CPNE8: variants seen among roughly 807,000 people sequenced by gnomAD.
CPNE8 encodes the protein copine 8.
CPNE8 carries 45 observed loss-of-function variants against 81.5 expected under a neutral mutation model. That is an observed-to-expected ratio of 0.55 (90% CI 0.44 to 0.71). The LOEUF (loss-of-function observed/expected upper bound fraction) is 0.71, where lower values mean the gene tolerates loss of function less well. CPNE8 is among the 30% of genes least tolerant of loss of function. CPNE8 has a pLI of 0.00. For synonymous variants in CPNE8, 252 were observed against 226.3 expected, an observed-to-expected ratio of 1.11 and a Z score of -1.02; for missense variants, 594 against 672.1, an observed-to-expected ratio of 0.88 and a Z score of 1.28.
At chr12:38,905,719 G>T (rs763430618), upstream of CPNE8, 20 of 1,434,774 alleles carry the variant, frequency 1.4e-5, no homozygotes, top group Non-Finnish European at 1.7e-5. Context: ...CGAGGGAACC[G>T]CTAGCCAGTC....
chr12:38,656,233 C>A (rs1938815107), intron 19 of CPNE8, among the ~76,000 whole-genome samples: 1 of 150,962 alleles, frequency 6.6e-6, no homozygotes, highest in South Asian at 2.1e-4. Context: ...CTATAATTTA[C>A]TTAATTCTTA....
chr12:38,690,691 G>GA (rs953134263), intron 15 of CPNE8, among the ~76,000 whole-genome samples: 1 of 151,730 alleles, frequency 6.6e-6, no homozygotes, highest in South Asian at 2.1e-4. Context: ...TGGAGGGGAG[G>GA]AAAAAGGAAA....
rs760034896 is a variant in CPNE8 at position 38,829,395 on chromosome 12, G to A, written c.391C>T (p.Leu131=). ...AATACTTACACTATTGGTTTTTCCA[G>A]GCGACTTCCCTGTGAACCAACGATC... ...GEIVGSQGSR[L]EKPIVGIPGK... is the part of the protein sequence containing the mutation. The change falls in exon 6 of 20, where the codon CTG becomes TTG. Residue 131 remains leucine (L), a synonymous_variant. Transcript: ENST00000331366. 1.2e-6 allele frequency: 2 copies of A among 1,611,586 alleles called. No individual in the cohort carries two copies. The highest frequency in any genetic ancestry group is 1.7e-6 in the Non-Finnish European group (2 of 1,177,838).
At chr12:38,810,995 G>A (rs1012722761) in intron 6 of CPNE8, among the ~76,000 whole-genome samples, 6 of 151,976 alleles carry the variant, frequency 3.9e-5, no homozygotes, top group Non-Finnish European at 7.4e-5. Flanking sequence ...GCTCATGTAA[G>A]TACATTAAGC....
At chr12:38,808,656 T>C (rs1942872552) in intron 6 of CPNE8, among the ~76,000 whole-genome samples, 1 of 149,678 alleles carries the variant, frequency 6.7e-6, no homozygotes, top group Non-Finnish European at 1.5e-5. Context: ...TAATGCTAAA[T>C]GACAAGTTAA....
chr12:38,795,931 G>A (rs894246508), intron 6 of CPNE8, among the ~76,000 whole-genome samples: 2 of 142,954 alleles, frequency 1.4e-5, no homozygotes, highest in Non-Finnish European at 3.1e-5. Flanking sequence ...ACCAGTTGAG[G>A]TTATTCTGAG....
intron 8 of CPNE8, among the ~76,000 whole-genome samples, chr12:38,763,352 AAAG>A (rs1941612262): frequency 6.6e-6 from 1 of 152,252 alleles, no homozygotes; most frequent in African/African-American, 2.4e-5. Context: ...GACAATGAGC[AAAG>A]AAGGAGGATG....
chr12:38,695,964 C>T (rs1160322589), intron 14 of CPNE8, among the ~76,000 whole-genome samples: 1 of 152,072 alleles, frequency 6.6e-6, no homozygotes, highest in Non-Finnish European at 1.5e-5. Context: ...AACAAACAAA[C>T]AAACGAATAC....
At chr12:38,706,619 A>G (rs1940113611) in intron 13 of CPNE8, among the ~76,000 whole-genome samples, 1 of 152,218 alleles carries the variant, frequency 6.6e-6, no homozygotes, top group Admixed American at 6.5e-5. Flanking sequence ...AATAAAAAAT[A>G]ACTTTGAGCT....
At chr12:38,686,590 A>G (rs1939540141) in intron 15 of CPNE8, among the ~76,000 whole-genome samples, 1 of 152,172 alleles carries the variant, frequency 6.6e-6, no homozygotes, top group Non-Finnish European at 1.5e-5. Flanking sequence ...TTATTATCTC[A>G]CACATTTTTG....
At chr12:38,814,769 AC>A (rs1942996052) in intron 6 of CPNE8, among the ~76,000 whole-genome samples, 1 of 152,074 alleles carries the variant, frequency 6.6e-6, no homozygotes, top group Non-Finnish European at 1.5e-5. Context: ...CATATTCTAT[AC>A]TAGATTGTAA....
At chr12:38,889,024 C>T (rs556516917) in intron 1 of CPNE8, among the ~76,000 whole-genome samples, 1 of 152,282 alleles carries the variant, frequency 6.6e-6, no homozygotes, top group South Asian at 2.1e-4. Flanking sequence ...AAGTGGGATG[C>T]AAAGCTGAAT....
chr12:38,789,907 C>T (rs760433296), intron 6 of CPNE8, among the ~76,000 whole-genome samples: 1 of 151,552 alleles, frequency 6.6e-6, no homozygotes, highest in African/African-American at 2.4e-5. Flanking sequence ...ATAGCATCAC[C>T]CCAGTTCAAA....
chr12:38,711,554 C>T lies in CPNE8; in HGVS notation c.915-8633G>A, dbSNP rs530493941. ...CGCAATCTCGGCTCACTGCAACCTCCGCCTCCTGGGATCAAGCGATTCTCC... is the reference window on the plus strand; with the variant it reads ...CGCAATCTCGGCTCACTGCAACCTCTGCCTCCTGGGATCAAGCGATTCTCC... On this transcript the variant is annotated intron_variant, in intron 13 of 19. Coordinates refer to ENST00000331366, the MANE Select transcript of CPNE8 (RefSeq NM_153634.3). 1.0e-3 allele frequency among the ~76,000 whole-genome samples: 152 copies of T among 151,934 alleles called. 2 individuals carry two copies. Among genetic ancestry groups the T allele is most frequent in the South Asian group, 4.8e-3 (23 of 4,798 alleles).
chr12:38,780,934 A>G (rs1942039734), intron 6 of CPNE8, among the ~76,000 whole-genome samples: 2 of 152,042 alleles, frequency 1.3e-5, no homozygotes, highest in Non-Finnish European at 1.5e-5. Context: ...CCAAGGAAAT[A>G]CTAAATACGA....
intron 4 of CPNE8, among the ~76,000 whole-genome samples, chr12:38,844,302 T>C (rs1267344921): frequency 6.6e-6 from 1 of 152,176 alleles, no homozygotes; most frequent in Admixed American, 6.5e-5. Context: ...TACTACGAAG[T>C]GATAAGGCTA....
intron 6 of CPNE8, among the ~76,000 whole-genome samples, chr12:38,779,088 A>G (rs1941993039): frequency 6.6e-6 from 1 of 152,132 alleles, no homozygotes. Context: ...TTTGTGAACT[A>G]TGAGTTTAAT....
At chr12:38,845,609 T>TATATATATA (rs1943545042) in intron 4 of CPNE8, among the ~76,000 whole-genome samples, 1 of 151,968 alleles carries the variant, frequency 6.6e-6, no homozygotes, top group African/African-American at 2.4e-5. Flanking sequence ...GTATAATATA[T>TATATATATA]ATATATATAA....
intron 6 of CPNE8, among the ~76,000 whole-genome samples, chr12:38,802,968 A>T (rs928147309): frequency 6.9e-6 from 1 of 145,104 alleles, no homozygotes; most frequent in African/African-American, 2.6e-5. Context: ...AAGAAGTTGA[A>T]TCTCTGAATA....
Sources: allele counts gnomAD v4.1 joint callset (sites outside exome capture counted in the v4.1 genomes callset), GRCh38; gene constraint gnomAD v4.1.1; transcripts MANE v1.5; gene names NCBI Gene and HGNC (gene_info 2026-07-23, HGNC 2026-07-21).